SEMA5A: variants seen among roughly 807,000 people sequenced by gnomAD.
SEMA5A encodes the protein semaphorin-5A.
A neutral mutation model predicts 135.5 loss-of-function variants in SEMA5A; 55 were observed. That is an observed-to-expected ratio of 0.41 (90% CI 0.33 to 0.51). The LOEUF (loss-of-function observed/expected upper bound fraction) is 0.51, where lower values mean the gene tolerates loss of function less well. Ranked by LOEUF, SEMA5A falls within the 20% of genes least tolerant of loss-of-function variation. SEMA5A has a pLI of 0.37. For synonymous variants in SEMA5A, 580 were observed against 546.5 expected (o/e 1.06, Z -0.85); for missense variants, 1,290 against 1,419.9 (o/e 0.91, Z 1.47).
At chr5:9,355,489 G>A (rs1479705772) in intron 3 of SEMA5A, among the ~76,000 whole-genome samples, 5 of 152,134 alleles carry the variant, frequency 3.3e-5, no homozygotes, top group South Asian at 4.1e-4. Context: ...GATAACACCC[G>A]AGATTTTCAC....
At chr5:9,415,827 G>A (rs1235882219) in intron 2 of SEMA5A, among the ~76,000 whole-genome samples, 1 of 152,176 alleles carries the variant, frequency 6.6e-6, no homozygotes, top group Non-Finnish European at 1.5e-5. Context: ...ATAATGTTCT[G>A]CAGTGCTAGA....
Position 9,178,333 on chromosome 5 carries a change from T to A in SEMA5A, c.1273+11934A>T, listed in dbSNP as rs939591235. Among the ~76,000 whole-genome samples, 4 of 38,832 alleles carry A rather than the reference T, an allele frequency of 1.0e-4. No homozygotes were observed. The East Asian group carries it at 2.4e-3, about 23-fold the overall frequency. 25.5% of individuals were successfully genotyped at this position (38,832 alleles called of 152,430 possible). A position where few individuals can be genotyped will look rare whatever the true frequency, so the allele number is the denominator to read the frequency against. On this transcript the variant is annotated intron_variant, in intron 11 of 22. Coordinates refer to ENST00000382496, the MANE Select transcript of SEMA5A (RefSeq NM_003966.3). ...TCTCTTTCTTTTTTTTTTCTCTCCT[T>A]TTTTTTTTTTTTTTGTTGAGATGGA... is the stretch of plus-strand genomic sequence containing the variant.
At chr5:9,177,595 T>C (rs145397549) in intron 11 of SEMA5A, among the ~76,000 whole-genome samples, 157 of 152,326 alleles carry the variant, frequency 1.0e-3, no homozygotes, top group African/African-American at 3.6e-3. Context: ...TTCACAACCA[T>C]GGGTGAGTTC....
intron 1 of SEMA5A, among the ~76,000 whole-genome samples, chr5:9,510,218 TACG>T (rs796751189): frequency 5.2e-4 from 79 of 152,354 alleles, no homozygotes; most frequent in African/African-American, 1.7e-3. Flanking sequence ...TCTGTTCATT[TACG>T]ACCTCATTCA....
intron 3 of SEMA5A, among the ~76,000 whole-genome samples, chr5:9,370,622 A>T (rs1189099135): frequency 6.6e-6 from 1 of 152,228 alleles, no homozygotes; most frequent in Non-Finnish European, 1.5e-5. Flanking sequence ...AAGAAAATAC[A>T]AATTTAAAGT....
At chr5:9,257,156 C>T (rs535874758) in intron 5 of SEMA5A, among the ~76,000 whole-genome samples, 17 of 152,280 alleles carry the variant, frequency 1.1e-4, no homozygotes, top group South Asian at 4.1e-4. Flanking sequence ...TTAACTGGGG[C>T]GGTGGGAGTT....
intron 2 of SEMA5A, among the ~76,000 whole-genome samples, chr5:9,429,039 G>A (rs1757765194): frequency 6.6e-6 from 1 of 152,216 alleles, no homozygotes; most frequent in African/African-American, 2.4e-5. Flanking sequence ...CCATTGCAGG[G>A]ATGTGCACAG....
chr5:9,496,190 G>A (rs772100521), intron 1 of SEMA5A, among the ~76,000 whole-genome samples: 4 of 152,050 alleles, frequency 2.6e-5, no homozygotes, highest in East Asian at 1.9e-4. Context: ...AATTACAAGC[G>A]TGTGCCACCG....
rs6867505 is a variant in SEMA5A, at chr5:9,531,480, C to A, written c.-175+14104G>T. On this transcript the variant is annotated intron_variant, in intron 1 of 22. Transcript: ENST00000382496. The stretch of plus-strand genomic sequence containing the variant: ...TGTACCTTTGAAGCTTCCTTCAGCC[C>A]CAGCAAGTGAGGAAGCTCCCTCAGG... Among the ~76,000 whole-genome samples, 317 of 152,256 alleles carry A rather than the reference C, an allele frequency of 2.1e-3. 1 individual carries two copies. In the South Asian group the frequency reaches 0.033, roughly 16 times the overall value.
chr5:9,109,618 G>C (rs569528653), intron 15 of SEMA5A, among the ~76,000 whole-genome samples: 1 of 152,220 alleles, frequency 6.6e-6, no homozygotes, highest in East Asian at 1.9e-4. Context: ...AGAAACAAGA[G>C]GCAAAGGTTC....
chr5:9,240,855 C>G (rs1748154695), intron 5 of SEMA5A, among the ~76,000 whole-genome samples: 2 of 152,120 alleles, frequency 1.3e-5, no homozygotes, highest in African/African-American at 4.8e-5. Context: ...TGTTTTTCCA[C>G]TAACCCAAAC....
At chr5:9,373,184 C>G (rs1179625465) in intron 3 of SEMA5A, among the ~76,000 whole-genome samples, 1 of 152,060 alleles carries the variant, frequency 6.6e-6, no homozygotes, top group Non-Finnish European at 1.5e-5. Context: ...TTTAACAAAG[C>G]AATGCATGCA....
rs1250271905 is a variant in SEMA5A at position 9,054,663 on chromosome 5, C to T, written c.2519-406G>A. On this transcript the variant is annotated intron_variant, in intron 18 of 22. Transcript: ENST00000382496. ...ATGTAAAGCCCCAGCCAGCTCTCAC[C>T]TTTGCCATCTAACTAGCCAGACAAG... Among the ~76,000 whole-genome samples, 6 of 152,326 alleles carry T rather than the reference C, an allele frequency of 3.9e-5. No homozygotes were observed. In the South Asian group the frequency reaches 8.3e-4, roughly 21 times the overall value.
At chr5:9,072,351 T>C (rs2150084332) in intron 16 of SEMA5A, among the ~76,000 whole-genome samples, 1 of 152,296 alleles carries the variant, frequency 6.6e-6, no homozygotes, top group East Asian at 1.9e-4. Flanking sequence ...CCAAAGTGGC[T>C]GAAATTATTG....
chr5:9,294,008 A>G (rs1404879791), intron 5 of SEMA5A, among the ~76,000 whole-genome samples: 1 of 152,196 alleles, frequency 6.6e-6, no homozygotes, highest in Non-Finnish European at 1.5e-5. Context: ...CCCTCTGCCA[A>G]TAGTGGTATA....
At chr5:9,289,965 T>C (rs1280741813) in intron 5 of SEMA5A, among the ~76,000 whole-genome samples, 1 of 152,228 alleles carries the variant, frequency 6.6e-6, no homozygotes, top group East Asian at 1.9e-4. Flanking sequence ...GTAAGATTGT[T>C]ATTATAGTGA....
chr5:9,046,264 C>T (rs148249720), intron 21 of SEMA5A, among the ~76,000 whole-genome samples: 15 of 152,302 alleles, frequency 9.8e-5, no homozygotes, highest in South Asian at 8.3e-4. Flanking sequence ...CCCAGTGAGA[C>T]GATTGGAGGT....
chr5:9,494,116 A>G (rs1735176804), intron 1 of SEMA5A, among the ~76,000 whole-genome samples: 2 of 152,210 alleles, frequency 1.3e-5, no homozygotes, highest in Admixed American at 1.3e-4. Flanking sequence ...TAAATCAGCA[A>G]CTATCCACAG....
chr5:9,119,473 A>C (rs6897703), intron 14 of SEMA5A, among the ~76,000 whole-genome samples: 25,731 of 152,194 alleles, frequency 0.17, 2,478 homozygotes, highest in East Asian at 0.32. Context: ...TTTCACTGAA[A>C]AGCATTTAGA....
Sources: gnomAD v4.1 joint callset for allele counts (sites outside exome capture counted in the v4.1 genomes callset) on GRCh38, gnomAD v4.1.1 for gene constraint, MANE v1.5 for transcripts, NCBI Gene and HGNC (gene_info 2026-07-23, HGNC 2026-07-21) for gene names.